The following PCDH9 variants were observed in gnomAD, a reference collection of about 807,000 sequenced individuals.
PCDH9 encodes protocadherin-9.
Under a neutral mutation model 70.6 loss-of-function variants are expected in PCDH9, and 24 were observed. That is an observed-to-expected ratio of 0.34 (90% CI 0.25 to 0.48). PCDH9 has a LOEUF of 0.48. PCDH9 is among the 20% of genes least tolerant of loss of function. The pLI, the probability that PCDH9 is intolerant of heterozygous loss-of-function variation, is 0.99. For missense variants in PCDH9, 1,281 were observed against 1,503.6 expected (o/e 0.85, Z 2.45); for synonymous variants, 562 against 558.5 (o/e 1.01, Z -0.09).
At chr13:66,779,512 T>C (rs1203562758) in intron 3 of PCDH9, among the ~76,000 whole-genome samples, 1 of 152,138 alleles carries the variant, frequency 6.6e-6, no homozygotes. Flanking sequence ...ATCTCACTTA[T>C]GTGGAATATT....
chr13:66,558,351 C>T (rs890123087), intron 4 of PCDH9, among the ~76,000 whole-genome samples: 1 of 151,782 alleles, frequency 6.6e-6, no homozygotes, highest in Non-Finnish European at 1.5e-5. Context: ...AAAAAATTAG[C>T]ATAGTCATAA....
At chr13:66,377,502 A>G (rs1047383139) in intron 4 of PCDH9, among the ~76,000 whole-genome samples, 21 of 152,202 alleles carry the variant, frequency 1.4e-4, no homozygotes, top group African/African-American at 3.9e-4. Flanking sequence ...CTTAAAAGAA[A>G]AAAAAAGATA....
At chr13:67,089,522 C>CA (rs1275887853) in intron 2 of PCDH9, among the ~76,000 whole-genome samples, 23 of 151,874 alleles carry the variant, frequency 1.5e-4, no homozygotes, top group Non-Finnish European at 2.7e-4. Context: ...GCCATGAATA[C>CA]AAGAAAGATA....
At chr13:66,872,317 A>G (rs2081708158) in intron 3 of PCDH9, among the ~76,000 whole-genome samples, 1 of 152,160 alleles carries the variant, frequency 6.6e-6, no homozygotes, top group South Asian at 2.1e-4. Context: ...ATAGGGCAAC[A>G]TAAGATTCTA....
At chr13:66,823,857 ATTAG>A (rs933153585) in intron 3 of PCDH9, among the ~76,000 whole-genome samples, 1 of 152,146 alleles carries the variant, frequency 6.6e-6, no homozygotes, top group Non-Finnish European at 1.5e-5. Context: ...TTGACACTAT[ATTAG>A]TTAGTAAAAA....
intron 2 of PCDH9, among the ~76,000 whole-genome samples, chr13:66,909,092 A>C (rs1022268354): frequency 6.6e-6 from 1 of 151,996 alleles, no homozygotes; most frequent in African/African-American, 2.4e-5. Context: ...CTCTTCTTTA[A>C]ATTTTTTTCT....
chr13:66,897,978 A>T lies in PCDH9; in HGVS notation c.3138+5526T>A, dbSNP rs559709051. On this transcript the variant is annotated intron_variant, in intron 3 of 4. Coordinates refer to ENST00000377865, the MANE Select transcript of PCDH9 (RefSeq NM_203487.3). Reference sequence around the variant, plus strand: ...TTGGGCATGTCAGGACTTAACTCTAACAATTCTCCAGTCCATGATGTATTT... The same window carrying T: ...TTGGGCATGTCAGGACTTAACTCTATCAATTCTCCAGTCCATGATGTATTT... Among the ~76,000 whole-genome samples the T allele has an allele frequency of 2.0e-5, 3 of 152,206 alleles. No homozygotes were observed. The South Asian group carries it at 6.2e-4, about 32-fold the overall frequency.
chr13:66,876,140 A>G (rs1037464002), intron 3 of PCDH9, among the ~76,000 whole-genome samples: 1 of 152,228 alleles, frequency 6.6e-6, no homozygotes, highest in Admixed American at 6.5e-5. Context: ...GTAGTTGATA[A>G]AGTTATTCAT....
chr13:67,070,262 A>G (rs1031731023), intron 2 of PCDH9, among the ~76,000 whole-genome samples: 1 of 152,038 alleles, frequency 6.6e-6, no homozygotes, highest in African/African-American at 2.4e-5. Flanking sequence ...ATAAAATTTA[A>G]CCTCCACCTG....
chr13:66,434,946 G>A (rs919799227), intron 4 of PCDH9, among the ~76,000 whole-genome samples: 1 of 152,026 alleles, frequency 6.6e-6, no homozygotes, highest in Admixed American at 6.6e-5. Context: ...AGAAGGAAAT[G>A]TTTTATTGCT....
intron 4 of PCDH9, among the ~76,000 whole-genome samples, chr13:66,548,241 A>T (rs1023555120): frequency 6.6e-6 from 1 of 151,924 alleles, no homozygotes. Flanking sequence ...TTAAGTGCAA[A>T]TTTTTTTCTT....
At chr13:66,670,951 T>C (rs900696152) in intron 3 of PCDH9, among the ~76,000 whole-genome samples, 16 of 149,010 alleles carry the variant, frequency 1.1e-4, no homozygotes, top group East Asian at 5.9e-4. Context: ...TTGGGTGATA[T>C]GGTTTGGCTT....
chr13:66,419,562 C>G (rs1000306580), intron 4 of PCDH9, among the ~76,000 whole-genome samples: 1 of 151,904 alleles, frequency 6.6e-6, no homozygotes, highest in South Asian at 2.1e-4. Flanking sequence ...TAGAGGAATT[C>G]CCTCCACTAG....
Position 67,225,920 on chromosome 13 carries a change from C to A in PCDH9, c.2521G>T (p.Ala841Ser), listed in dbSNP as rs1309846642. Residue 841 changes from alanine (A) to serine (S), a missense_variant, in exon 2 of 5, where the codon GCA becomes TCA. By Grantham distance (99) the Ala-to-Ser change is moderately conservative. Coordinates refer to ENST00000377865, the MANE Select transcript of PCDH9 (RefSeq NM_203487.3). ...CTCTGAGCTGCTTTGAACCTTGATG[C>A]ATGGCGACAGCGCACCAGAACGGTG... ...FVTVLVRCRH[A>S]SRFKAAQRSK... 2 of 1,614,154 alleles carry A rather than the reference C, an allele frequency of 1.2e-6. No individual in the cohort carries two copies. Among genetic ancestry groups the A allele is most frequent in the Non-Finnish European group, 1.7e-6 (2 of 1,180,040 alleles).
chr13:66,698,286 G>A (rs9571630), intron 3 of PCDH9, among the ~76,000 whole-genome samples: 50,852 of 151,978 alleles, frequency 0.33, 9,002 homozygotes, highest in East Asian at 0.51. Flanking sequence ...CATGTTATCT[G>A]TATTGTACCA....
intron 3 of PCDH9, among the ~76,000 whole-genome samples, chr13:66,696,496 G>A (rs1797095101): frequency 6.6e-6 from 1 of 152,098 alleles, no homozygotes; most frequent in South Asian, 2.1e-4. Context: ...TTTCCATAAA[G>A]AAGCAGCAGT....
At chr13:66,946,475 G>C (rs533173822) in intron 2 of PCDH9, among the ~76,000 whole-genome samples, 2 of 152,142 alleles carry the variant, frequency 1.3e-5, no homozygotes, top group African/African-American at 4.8e-5. Flanking sequence ...TACAAGACCA[G>C]CATGGGCAAC....
chr13:66,402,443 ATATAT>A (rs961632080), intron 4 of PCDH9, among the ~76,000 whole-genome samples: 6 of 151,994 alleles, frequency 3.9e-5, no homozygotes, highest in Admixed American at 1.3e-4. Flanking sequence ...TATTATAATA[ATATAT>A]TATAACTGGG....
At chr13:66,901,536 TA>T (rs2082276511) in intron 3 of PCDH9, among the ~76,000 whole-genome samples, 2 of 151,752 alleles carry the variant, frequency 1.3e-5, no homozygotes, top group South Asian at 4.1e-4. Context: ...GAAAGATTTA[TA>T]AAAATATTTT....
Sources: allele counts gnomAD v4.1 joint callset (sites outside exome capture counted in the v4.1 genomes callset), GRCh38; gene constraint gnomAD v4.1.1; transcripts MANE v1.5; gene names NCBI Gene and HGNC (gene_info 2026-07-23, HGNC 2026-07-21).